The following GPC5 variants were observed in gnomAD, a reference collection of about 807,000 sequenced individuals.
GPC5 encodes the protein glypican-5.
Under a neutral mutation model 53.9 loss-of-function variants are expected in GPC5, and 47 were observed. The observed-to-expected ratio is 0.87, with a 90% confidence interval of 0.69 to 1.11. The LOEUF (loss-of-function observed/expected upper bound fraction) is 1.11, where lower values mean the gene tolerates loss of function less well. GPC5 is among the 50% of genes most tolerant of loss of function. GPC5 has a pLI of 0.00. For missense variants in GPC5, 748 were observed against 713.1 expected (o/e 1.05, Z -0.56); for synonymous variants, 286 against 263.3 (o/e 1.09, Z -0.84).
At chr13:92,436,428 A>G (rs1877307745) in intron 7 of GPC5, among the ~76,000 whole-genome samples, 1 of 152,152 alleles carries the variant, frequency 6.6e-6, no homozygotes, top group Non-Finnish European at 1.5e-5. Context: ...CTTCGCTGGC[A>G]TCCATGAAAC....
chr13:91,714,563 A>G (rs1190029655), intron 3 of GPC5, among the ~76,000 whole-genome samples: 1 of 152,172 alleles, frequency 6.6e-6, no homozygotes, highest in African/African-American at 2.4e-5. Context: ...AATAGATACT[A>G]TATATAAATG....
At chr13:92,270,958 T>C (rs1425151967) in intron 7 of GPC5, among the ~76,000 whole-genome samples, 1 of 152,230 alleles carries the variant, frequency 6.6e-6, no homozygotes, top group Non-Finnish European at 1.5e-5. Flanking sequence ...GTGGTCTTTA[T>C]GAACCATGCT....
intron 7 of GPC5, among the ~76,000 whole-genome samples, chr13:92,615,018 A>C (rs1305339723): frequency 1.3e-5 from 2 of 152,242 alleles, no homozygotes; most frequent in East Asian, 3.8e-4. Context: ...AAATGACAAA[A>C]CAGTAATGCT....
chr13:92,712,474 A>C (rs1007291618), intron 7 of GPC5, among the ~76,000 whole-genome samples: 17 of 145,544 alleles, frequency 1.2e-4, no homozygotes, highest in South Asian at 4.5e-4. Context: ...CAAAAAAAAA[A>C]CGGCAAAATC....
chr13:91,440,607 T>C (rs997663291), intron 1 of GPC5, among the ~76,000 whole-genome samples: 2 of 152,224 alleles, frequency 1.3e-5, no homozygotes, highest in African/African-American at 4.8e-5. Flanking sequence ...GCTTATCTCT[T>C]GAATAGGGTC....
chr13:91,958,208 G>T lies in GPC5; in HGVS notation c.1401+50151G>T, dbSNP rs551826931. ...GAAACAGATACTCCATGCAAACATAGACCAAAAAACTAGCAGAGGTAGCTA... is the reference window on the plus strand; with the variant it reads ...GAAACAGATACTCCATGCAAACATATACCAAAAAACTAGCAGAGGTAGCTA... On this transcript the variant is annotated intron_variant, in intron 6 of 7. Transcript: ENST00000377067. 6.9e-5 allele frequency among the ~76,000 whole-genome samples: 10 copies of T among 144,108 alleles called. No homozygotes were observed. The East Asian group carries it at 2.0e-3, about 29-fold the overall frequency. 94.5% of individuals were successfully genotyped at this position (144,108 alleles called of 152,430 possible).
intron 7 of GPC5, among the ~76,000 whole-genome samples, chr13:92,606,850 TGGTAGTAC>T (rs1884276278): frequency 6.6e-6 from 1 of 152,184 alleles, no homozygotes; most frequent in Non-Finnish European, 1.5e-5. Context: ...ATCCTAAGTC[TGGTAGTAC>T]GGTACAATGT....
intron 6 of GPC5, among the ~76,000 whole-genome samples, chr13:91,976,130 G>T (rs983325468): frequency 6.6e-6 from 1 of 152,134 alleles, no homozygotes; most frequent in Non-Finnish European, 1.5e-5. Flanking sequence ...ATGGGGTTGG[G>T]GGAGGGGGAA....
At chr13:91,687,344 G>A (rs1447974471) in intron 2 of GPC5, among the ~76,000 whole-genome samples, 2 of 151,948 alleles carry the variant, frequency 1.3e-5, no homozygotes, top group East Asian at 3.9e-4. Context: ...ATTTGTGTCA[G>A]TAATCATTTG....
At chr13:92,382,685 T>C (rs778368876) in intron 7 of GPC5, among the ~76,000 whole-genome samples, 2 of 152,156 alleles carry the variant, frequency 1.3e-5, no homozygotes, top group African/African-American at 4.8e-5. Context: ...CATCAGTTAA[T>C]AGAACAGGCA....
At chr13:92,450,469 T>TCCACA (rs1878016309) in intron 7 of GPC5, among the ~76,000 whole-genome samples, 1 of 152,178 alleles carries the variant, frequency 6.6e-6, no homozygotes, top group African/African-American at 2.4e-5. Context: ...GGTGTGGAAT[T>TCCACA]TTTCACTTGT....
chr13:92,513,563 T>A (rs1417516025), intron 7 of GPC5, among the ~76,000 whole-genome samples: 1 of 147,926 alleles, frequency 6.8e-6, no homozygotes, highest in Non-Finnish European at 1.5e-5. Context: ...TTCCTTTCCT[T>A]TCCTTTTTCC....
chr13:91,476,602 A>G (rs61968027), intron 2 of GPC5, among the ~76,000 whole-genome samples: 13,431 of 152,264 alleles, frequency 0.088, 856 homozygotes, highest in African/African-American at 0.18. Flanking sequence ...AGTGATGCAG[A>G]AAAGGCAGTA....
intron 5 of GPC5, among the ~76,000 whole-genome samples, chr13:91,766,516 G>A (rs987263145): frequency 6.6e-6 from 1 of 152,184 alleles, no homozygotes; most frequent in Non-Finnish European, 1.5e-5. Flanking sequence ...TACCAGTGAT[G>A]TGAATTAAGA....
chr13:91,587,254 T>G (rs1041464374), intron 2 of GPC5, among the ~76,000 whole-genome samples: 5 of 152,128 alleles, frequency 3.3e-5, no homozygotes, highest in African/African-American at 1.2e-4. Context: ...AGAACTTGCT[T>G]TAAAGTCATT....
chr13:91,995,805 A>G (rs2040498529), intron 6 of GPC5: 2 of 152,210 alleles, frequency 1.3e-5, no homozygotes, highest in Non-Finnish European at 2.9e-5. Flanking sequence ...GTATATATTT[A>G]AGTTTTATCA....
intron 7 of GPC5, among the ~76,000 whole-genome samples, chr13:92,468,616 G>C (rs9584029): frequency 6.6e-6 from 1 of 152,010 alleles, no homozygotes; most frequent in Non-Finnish European, 1.5e-5. Flanking sequence ...ATACTTTTAC[G>C]AGAAGAATAC....
intron 6 of GPC5, among the ~76,000 whole-genome samples, chr13:92,112,587 A>C (rs2041566099): frequency 6.6e-6 from 1 of 152,140 alleles, no homozygotes; most frequent in Non-Finnish European, 1.5e-5. Flanking sequence ...AAGCTACAAG[A>C]GAAGGCAAAT....
At chr13:92,423,151 T>A (rs879931970) in intron 7 of GPC5, among the ~76,000 whole-genome samples, 7 of 152,148 alleles carry the variant, frequency 4.6e-5, no homozygotes, top group Admixed American at 1.3e-4. Flanking sequence ...AGTACACTAA[T>A]CTATTTATAA....
Sources: gnomAD v4.1 joint callset for allele counts (sites outside exome capture counted in the v4.1 genomes callset) on GRCh38, gnomAD v4.1.1 for gene constraint, MANE v1.5 for transcripts, NCBI Gene and HGNC (gene_info 2026-07-23, HGNC 2026-07-21) for gene names.